MAP1LC3A: variants seen among roughly 807,000 people sequenced by gnomAD.
The protein encoded by MAP1LC3A is microtubule associated protein 1 light chain 3 alpha, also known as microtubule-associated protein 1 light chain 3 alpha.
Under a neutral mutation model 15.2 loss-of-function variants are expected in MAP1LC3A, and 10 were observed. The observed-to-expected ratio is 0.66, with a 90% CI of 0.41 to 1.12. MAP1LC3A has a LOEUF of 1.12. MAP1LC3A is among the 50% of genes most tolerant of loss of function. The pLI is 0.00. For synonymous variants in MAP1LC3A, 63 were observed against 64.3 expected, an observed-to-expected ratio of 0.98 and a Z score of 0.10; for missense variants, 138 against 167.3, an observed-to-expected ratio of 0.82 and a Z score of 0.97.
intron 2 of MAP1LC3A, among the ~76,000 whole-genome samples, chr20:34,551,623 G>A (rs1159428430): frequency 2.0e-5 from 3 of 151,862 alleles, no homozygotes; most frequent in Non-Finnish European, 4.4e-5. Context: ...CTGCCATCAC[G>A]CCTGGCTAAT....
upstream of MAP1LC3A, chr20:34,558,594 C>A (rs1268791078): frequency 3.3e-6 from 4 of 1,204,448 alleles, no homozygotes; most frequent in Non-Finnish European, 4.1e-6. The surrounding 1 kb of genome is among the most constrained non-coding windows in gnomAD (Gnocchi z 4.3). Flanking sequence ...CCTCGCGTCC[C>A]GGTCCGCGGA....
In MAP1LC3A at chr20:34,559,494, A is replaced by C. The variant is rs771435852; in HGVS notation, c.203+41A>C. Reference sequence around the variant, plus strand: ...CCGCCAGGAGGTGGCTAGGGTCGGGAGGGGAGCCGGGTTCCCGCCGAGAAG... The same window carrying C: ...CCGCCAGGAGGTGGCTAGGGTCGGGCGGGGAGCCGGGTTCCCGCCGAGAAG... On this transcript the variant is annotated intron_variant, in intron 3 of 3. Transcript: ENST00000360668. The C allele has an allele frequency of 3.9e-5, 60 of 1,551,200 alleles. 1 individual carries two copies. The highest frequency in any genetic ancestry group is 3.8e-4 in the Middle Eastern group (2 of 5,286).
chr20:34,560,110 GGA>G lies in MAP1LC3A; in HGVS notation c.*213_*214del. The stretch of plus-strand genomic sequence containing the variant: ...TTGTCCCTCTGGGTGCTGGCTGGTG[GGA>G]TGGGGGAGGGTGGGGAGCAGCTCCC... On this transcript the variant is annotated 3_prime_UTR_variant, in exon 4 of 4. Coordinates refer to ENST00000360668, the MANE Select transcript of MAP1LC3A (RefSeq NM_032514.4). The G allele has an allele frequency of 2.1e-6, 1 of 477,232 alleles. No homozygotes were observed. The allele number at this position is 477,232 out of a possible 1,614,324, so 29.6% of individuals were successfully genotyped here.
intron 2 of MAP1LC3A, among the ~76,000 whole-genome samples, chr20:34,551,514 C>T (rs1981950610): frequency 7.6e-6 from 1 of 132,286 alleles, no homozygotes; most frequent in Admixed American, 9.1e-5. Flanking sequence ...TGCCCACAGT[C>T]AGGCTGGAGT....
At chr20:34,559,159 G>A (rs1238839540) in intron 1 of MAP1LC3A, 49 bp from the exon 2 acceptor site, 12 of 1,496,378 alleles carry the variant, frequency 8.0e-6, no homozygotes, top group African/African-American at 1.4e-5. Context: ...CAGGCGGGGC[G>A]GACCTGGGCC....
intron 1 of MAP1LC3A, among the ~76,000 whole-genome samples, chr20:34,547,589 T>C (rs1239392930): frequency 6.6e-6 from 1 of 152,036 alleles, no homozygotes; most frequent in East Asian, 1.9e-4. Flanking sequence ...TCCCCCATGC[T>C]CTTCCCGTGA....
chr20:34,559,438 T>C lies in MAP1LC3A; in HGVS notation c.188T>C (p.Leu63Ser), dbSNP rs1982335297. ...LVPDHVNMSELVKIIRRRLQL... is the reference protein window; with the variant it reads ...LVPDHVNMSESVKIIRRRLQL... ...CCGGACCATGTCAACATGAGCGAGT[T>C]GGTCAAGATCATCCGGTGCGTGGGC... Residue 63 changes from leucine to serine, a missense_variant, in exon 3 of 4, where the codon TTG becomes TCG. Physicochemically the swap from Leu to Ser is moderately radical, Grantham distance 145. Transcript: ENST00000360668. 1.2e-6 allele frequency: 2 copies of C among 1,612,700 alleles called. No homozygotes were observed. The highest frequency in any genetic ancestry group is 2.7e-5 in the African/African-American group (2 of 74,768).
chr20:34,558,619 G>A, upstream of MAP1LC3A: 1 of 1,219,792 alleles, frequency 8.2e-7, no homozygotes, highest in Non-Finnish European at 1.0e-6. This position sits in a 1 kb window ranked among gnomAD's most constrained non-coding sequence, Gnocchi z 4.3. Flanking sequence ...GGCTCTCTGC[G>A]CCGTGACGTC....
chr20:34,555,668 A>T (rs1199869629), upstream of MAP1LC3A, among the ~76,000 whole-genome samples: 8 of 148,056 alleles, frequency 5.4e-5, no homozygotes, highest in East Asian at 1.9e-4. Context: ...TTTTTTTTTT[A>T]AAGAAATGGA....
At chr20:34,551,091 CA>C (rs1470172190) in intron 2 of MAP1LC3A, among the ~76,000 whole-genome samples, 52 of 145,262 alleles carry the variant, frequency 3.6e-4, no homozygotes, top group Admixed American at 5.5e-4. Context: ...ACTAAAAATA[CA>C]AAAAAAAAAA....
At chr20:34,551,885 A>T (rs888457396) in intron 2 of MAP1LC3A, among the ~76,000 whole-genome samples, 2 of 152,208 alleles carry the variant, frequency 1.3e-5, no homozygotes, top group Non-Finnish European at 2.9e-5. Context: ...AAAGAAAAAA[A>T]ACCAAATACT....
At chr20:34,559,105 T>TG in intron 1 of MAP1LC3A, 103 bp from the exon 2 acceptor site, 1 of 1,340,792 alleles carries the variant, frequency 7.5e-7, no homozygotes. Context: ...GCCCCGGGGG[T>TG]GGGGGCTGGA....
upstream of MAP1LC3A, chr20:34,558,014 AG>A: frequency 3.2e-6 from 3 of 941,164 alleles, no homozygotes; most frequent in Non-Finnish European, 3.7e-6. The surrounding 1 kb of genome is among the most constrained non-coding windows in gnomAD (Gnocchi z 4.3). Flanking sequence ...GCTCTTTTTC[AG>A]GAACTGTCTC....
At chr20:34,553,546 C>T (rs1279385268) in intron 2 of MAP1LC3A, among the ~76,000 whole-genome samples, 2 of 152,206 alleles carry the variant, frequency 1.3e-5, no homozygotes, top group Admixed American at 6.5e-5. Flanking sequence ...TTTGGCTGCT[C>T]TCAGTGGGCC....
At chr20:34,553,813 G>A (rs1406429045), upstream of MAP1LC3A, among the ~76,000 whole-genome samples, 2 of 152,184 alleles carry the variant, frequency 1.3e-5, no homozygotes, top group Admixed American at 6.5e-5. Flanking sequence ...AACATTTGCC[G>A]ACTCCTCTCC....
rs1982381144 is a variant in MAP1LC3A, at chr20:34,559,956, G to A, written c.*58G>A. The stretch of plus-strand genomic sequence containing the variant: ...GGCGGCCCCGGTCAGGCCCTGCCCA[G>A]AGAGCTCCTGGTTCCTGAACTGAGC... On this transcript the variant is annotated 3_prime_UTR_variant, in exon 4 of 4. Transcript: ENST00000360668. The A allele has an allele frequency of 1.9e-6, 3 of 1,546,130 alleles. No homozygotes were observed. Among genetic ancestry groups the A allele is most frequent in the Non-Finnish European group, 2.6e-6 (3 of 1,146,034 alleles).
In MAP1LC3A at chr20:34,558,940, G is replaced by T; in HGVS notation, c.40+32G>T. On this transcript the variant is annotated intron_variant, in intron 1 of 3. Coordinates refer to ENST00000360668, the MANE Select transcript of MAP1LC3A (RefSeq NM_032514.4). The surrounding 1 kb of genome is among the most constrained non-coding windows in gnomAD (Gnocchi z 4.3). ...CCCGGCAGGCGAGCTGCGAGCTCTG[G>T]GGCAGGGGTGCCGGCCGACCCCGAC... 7.3e-7 allele frequency: 1 copy of T among 1,365,546 alleles called. No homozygotes were observed. Among genetic ancestry groups the T allele is most frequent in the Non-Finnish European group, 9.4e-7 (1 of 1,065,164 alleles). 84.6% of individuals were successfully genotyped at this position (1,365,546 alleles called of 1,614,324 possible).
upstream of MAP1LC3A, chr20:34,557,988 A>G (rs185615543): frequency 8.4e-4 from 594 of 703,650 alleles, 6 homozygotes; most frequent in Admixed American, 7.1e-4. Context: ...CTGGATTTTA[A>G]GCATCATTTC....
At chr20:34,559,072 G>A in intron 1 of MAP1LC3A, 136 bp from the exon 2 acceptor site, 1 of 1,342,538 alleles carries the variant, frequency 7.4e-7, no homozygotes, top group Non-Finnish European at 9.6e-7. Context: ...CGCGATAGGT[G>A]CCAGGGGCTG....
Sources: allele counts gnomAD v4.1 joint callset (sites outside exome capture counted in the v4.1 genomes callset), GRCh38; gene constraint gnomAD v4.1.1; non-coding constraint Gnocchi (gnomAD v3.1); transcripts MANE v1.5; gene names NCBI Gene and HGNC (gene_info 2026-07-23, HGNC 2026-07-21).